Variants in LRRC4C observed in about 807,000 individuals in gnomAD.
LRRC4C encodes the protein leucine rich repeat containing 4C.
In LRRC4C, 5 loss-of-function variants were observed where a neutral mutation model predicts 33.6. That is an observed-to-expected ratio of 0.15 (90% CI 0.08 to 0.31). LRRC4C has a LOEUF of 0.31. Ranked by LOEUF, LRRC4C falls within the 10% of genes least tolerant of loss-of-function variation. LRRC4C has a pLI of 1.00. For synonymous variants in LRRC4C, 329 were observed against 302.0 expected, an observed-to-expected ratio of 1.09 and a Z score of -0.93; for missense variants, 560 against 796.7, an observed-to-expected ratio of 0.70 and a Z score of 3.58.
chr11:40,790,249 T>A (rs2137371907), intron 2 of LRRC4C, among the ~76,000 whole-genome samples: 1 of 152,330 alleles, frequency 6.6e-6, no homozygotes, highest in Middle Eastern at 3.4e-3. Context: ...AGTTCTTATT[T>A]GCAAAGTGGA....
intron 1 of LRRC4C, among the ~76,000 whole-genome samples, chr11:41,416,045 G>C (rs572758789): frequency 9.2e-5 from 14 of 152,050 alleles, no homozygotes; most frequent in African/African-American, 3.4e-4. Context: ...GGGGCTCCAG[G>C]TCTAGGTTTG....
chr11:41,236,597 G>A (rs1346624472), intron 1 of LRRC4C, among the ~76,000 whole-genome samples: 1 of 151,894 alleles, frequency 6.6e-6, no homozygotes, highest in African/African-American at 2.4e-5. Flanking sequence ...CTATTTCATA[G>A]GTTTTTGTGT....
intron 1 of LRRC4C, among the ~76,000 whole-genome samples, chr11:41,453,429 G>T (rs1251329642): frequency 6.6e-6 from 1 of 152,026 alleles, no homozygotes; most frequent in African/African-American, 2.4e-5. Context: ...TGATAGAGTC[G>T]GCCCTATTAT....
At chr11:40,821,111 T>C (rs553478367) in intron 2 of LRRC4C, among the ~76,000 whole-genome samples, 21 of 151,846 alleles carry the variant, frequency 1.4e-4, no homozygotes, top group African/African-American at 3.4e-4. Context: ...TTAAGACTTA[T>C]ACACTGAAAC....
At chr11:40,167,390 C>T (rs756199460) in intron 5 of LRRC4C, among the ~76,000 whole-genome samples, 1 of 152,090 alleles carries the variant, frequency 6.6e-6, no homozygotes. Context: ...TATATTTATA[C>T]CCCTTGATTT....
intron 2 of LRRC4C, among the ~76,000 whole-genome samples, chr11:40,886,345 A>G (rs1955451503): frequency 6.6e-6 from 1 of 151,178 alleles, no homozygotes; most frequent in Non-Finnish European, 1.5e-5. Context: ...AGCCAGTAGG[A>G]GTTATTTTCA....
chr11:40,587,210 C>T (rs1958797891), intron 3 of LRRC4C, among the ~76,000 whole-genome samples: 1 of 151,200 alleles, frequency 6.6e-6, no homozygotes, highest in Non-Finnish European at 1.5e-5. Flanking sequence ...AAGTTGGATT[C>T]CTAGGTATTT....
chr11:41,431,069 CATTT>C (rs1209104773), intron 1 of LRRC4C, among the ~76,000 whole-genome samples: 1 of 152,028 alleles, frequency 6.6e-6, no homozygotes, highest in Admixed American at 6.6e-5. Context: ...AGACTAAAAA[CATTT>C]ATTTGTATAT....
intron 3 of LRRC4C, among the ~76,000 whole-genome samples, chr11:40,404,627 A>G (rs1298231410): frequency 6.6e-6 from 1 of 151,572 alleles, no homozygotes; most frequent in African/African-American, 2.4e-5. Context: ...AGAGCCTCCC[A>G]TCTGGTAGCC....
intron 2 of LRRC4C, among the ~76,000 whole-genome samples, chr11:40,740,958 T>C (rs1002342891): frequency 3.9e-5 from 6 of 152,120 alleles, no homozygotes; most frequent in Non-Finnish European, 5.9e-5. Context: ...TTTGGGGCTT[T>C]CTATTTTGTT....
At chr11:40,817,470 A>G (rs568920837) in intron 2 of LRRC4C, among the ~76,000 whole-genome samples, 20 of 152,308 alleles carry the variant, frequency 1.3e-4, no homozygotes, top group Non-Finnish European at 2.8e-4. Context: ...TATTCTGGCA[A>G]GACATAGTCC....
chr11:41,378,669 A>C (rs894772733), intron 1 of LRRC4C, among the ~76,000 whole-genome samples: 1 of 152,170 alleles, frequency 6.6e-6, no homozygotes, highest in Non-Finnish European at 1.5e-5. Flanking sequence ...CTTTCCTTGA[A>C]TCTCTAAACA....
intron 2 of LRRC4C, among the ~76,000 whole-genome samples, chr11:40,728,913 T>C (rs1053453001): frequency 3.9e-5 from 5 of 127,922 alleles, no homozygotes; most frequent in African/African-American, 1.5e-4. Context: ...TTCCTAAACA[T>C]GGGAGCTAAT....
At chr11:40,420,570 CAA>C (rs1441571227) in intron 3 of LRRC4C, among the ~76,000 whole-genome samples, 2 of 152,182 alleles carry the variant, frequency 1.3e-5, no homozygotes, top group African/African-American at 4.8e-5. Flanking sequence ...GGGACTAACA[CAA>C]AGACACATCT....
At chr11:41,006,012 A>C (rs2137452941) in intron 1 of LRRC4C, among the ~76,000 whole-genome samples, 1 of 152,104 alleles carries the variant, frequency 6.6e-6, no homozygotes, top group East Asian at 1.9e-4. Flanking sequence ...TCAGTTATTT[A>C]AAGTAAACTA....
At chr11:40,701,280 A>T (rs1316665483) in intron 2 of LRRC4C, among the ~76,000 whole-genome samples, 1 of 152,082 alleles carries the variant, frequency 6.6e-6, no homozygotes, top group African/African-American at 2.4e-5. Flanking sequence ...AAGTTCTTTG[A>T]TTATTTCCCT....
intron 3 of LRRC4C, among the ~76,000 whole-genome samples, chr11:40,480,277 T>C (rs1204239600): frequency 6.6e-6 from 1 of 150,476 alleles, no homozygotes; most frequent in African/African-American, 2.4e-5. Context: ...AGTTTTTTGT[T>C]TGCTTGCTTC....
intron 3 of LRRC4C, among the ~76,000 whole-genome samples, chr11:40,519,847 T>C (rs1955734905): frequency 6.6e-6 from 1 of 152,216 alleles, no homozygotes; most frequent in Non-Finnish European, 1.5e-5. Flanking sequence ...CAAGGCCTGA[T>C]GGAGAAGCTG....
chr11:40,521,191 T>TA (rs769769249), intron 3 of LRRC4C, among the ~76,000 whole-genome samples: 57 of 152,286 alleles, frequency 3.7e-4, no homozygotes, highest in Admixed American at 1.5e-3. Flanking sequence ...CTAGCTCTGA[T>TA]AAAAAAGCAG....
Sources: gnomAD v4.1 joint callset for allele counts (sites outside exome capture counted in the v4.1 genomes callset) on GRCh38, gnomAD v4.1.1 for gene constraint, MANE v1.5 for transcripts, NCBI Gene and HGNC (gene_info 2026-07-23, HGNC 2026-07-21) for gene names.